Variants in ASB15 observed in about 807,000 individuals in gnomAD.
ASB15 encodes the protein ankyrin repeat and SOCS box containing 15, also known as ankyrin repeat and SOCS box protein 15.
In ASB15, 54 loss-of-function variants were observed where a neutral mutation model predicts 58.0. The observed-to-expected ratio is 0.93, with a 90% CI of 0.75 to 1.17. The LOEUF (loss-of-function observed/expected upper bound fraction) is 1.17, where lower values mean the gene tolerates loss of function less well. Among genes scored for constraint, ASB15 ranks in the 50% most tolerant of loss-of-function variants. The pLI is 0.00. For missense variants in ASB15, 680 were observed against 707.4 expected (o/e 0.96, Z 0.44); for synonymous variants, 249 against 262.4 (o/e 0.95, Z 0.50).
chr7:123,569,224 A>ATTTACG (rs1798838315), intron 1 of ASB15, among the ~76,000 whole-genome samples: 1 of 152,190 alleles, frequency 6.6e-6, no homozygotes, highest in South Asian at 2.1e-4. Context: ...GTAAATGGCA[A>ATTTACG]TCTTGGCAAC....
At chr7:123,634,562 T>A (rs758869670) in intron 11 of ASB15, among the ~76,000 whole-genome samples, 12 of 151,944 alleles carry the variant, frequency 7.9e-5, no homozygotes, top group East Asian at 1.9e-4. Context: ...ATACAATTTT[T>A]AAAAAAAACT....
chr7:123,575,363 T>A (rs1000529942), intron 1 of ASB15, among the ~76,000 whole-genome samples: 2 of 152,090 alleles, frequency 1.3e-5, no homozygotes, highest in African/African-American at 4.8e-5. Flanking sequence ...GTTAAATATG[T>A]TCATACCTCT....
intron 2 of ASB15, among the ~76,000 whole-genome samples, chr7:123,607,206 G>GA (rs919714521): frequency 1.3e-5 from 2 of 152,110 alleles, no homozygotes; most frequent in African/African-American, 2.4e-5. Context: ...AAAGTTGGGG[G>GA]AAAAATCCAT....
In ASB15 at chr7:123,623,906, G is replaced by A. The variant is rs1360973551; in HGVS notation, c.452-663G>A. ...AGAAAAGAAGAAAGAAAGAATGGAA[G>A]GAAGGAAGGAAGGAAGAAAGAAAGA... On this transcript the variant is annotated intron_variant, in intron 7 of 11. Coordinates refer to ENST00000451215, the MANE Select transcript of ASB15 (RefSeq NM_001290258.2). 7.1e-4 allele frequency among the ~76,000 whole-genome samples: 9 copies of A among 12,626 alleles called. 1 individual carries two copies. The highest frequency in any genetic ancestry group is 3.7e-3 in the African/African-American group (9 of 2,448). The allele number at this position is 12,626 out of a possible 152,430, so 8.3% of individuals were successfully genotyped here.
At chr7:123,582,579 T>TC (rs1357089266) in intron 1 of ASB15, among the ~76,000 whole-genome samples, 1 of 151,864 alleles carries the variant, frequency 6.6e-6, no homozygotes. Context: ...TGATCAGCAT[T>TC]CCCCCCAGAT....
chr7:123,614,057 G>T (rs1269159398), intron 3 of ASB15: 1 of 152,664 alleles, frequency 6.6e-6, no homozygotes, highest in Admixed American at 6.6e-5. Context: ...AAAAACAAAA[G>T]GAATGTAACA....
chr7:123,616,692 C>A (rs1346889786), intron 6 of ASB15, among the ~76,000 whole-genome samples, 197 bp downstream of exon 6: 1 of 151,998 alleles, frequency 6.6e-6, no homozygotes, highest in African/African-American at 2.4e-5. Context: ...GGGGGTTTAC[C>A]TTTTGCATCC....
intron 1 of ASB15, among the ~76,000 whole-genome samples, chr7:123,595,998 T>C (rs1436502599): frequency 1.3e-5 from 2 of 152,230 alleles, no homozygotes; most frequent in Non-Finnish European, 2.9e-5. Flanking sequence ...ACATTTTAAA[T>C]CTTGAAATCA....
intron 3 of ASB15, 38 bp from the exon 4 acceptor site, chr7:123,614,463 T>G: frequency 7.6e-7 from 1 of 1,314,146 alleles, no homozygotes; most frequent in South Asian, 1.2e-5. Context: ...GGCCATTTCT[T>G]GATAATAAGA....
At position 123,618,339 on chromosome 7, in the gene ASB15, C is replaced by T. The variant is rs140155571; in HGVS notation, c.451+602C>T. On this transcript the variant is annotated intron_variant, in intron 7 of 11. Coordinates refer to ENST00000451215, the MANE Select transcript of ASB15 (RefSeq NM_001290258.2). ...TGAAAGCAGAGAGTGATAAGATTAA[C>T]TCCAAATGACCCAGAGATAACATTT... is the stretch of plus-strand genomic sequence containing the variant. Among the ~76,000 whole-genome samples, 509 of 152,296 alleles carry T rather than the reference C, an allele frequency of 3.3e-3. 3 individuals carry two copies. Among genetic ancestry groups the T allele is most frequent in the African/African-American group, 0.012 (479 of 41,570 alleles).
chr7:123,627,586 T>G (rs537084303), intron 9 of ASB15, among the ~76,000 whole-genome samples: 2 of 152,316 alleles, frequency 1.3e-5, no homozygotes, highest in African/African-American at 4.8e-5. Flanking sequence ...TGTTTACAAA[T>G]GTATTTAACA....
chr7:123,594,289 C>G (rs1399284661), intron 1 of ASB15, among the ~76,000 whole-genome samples: 2 of 152,094 alleles, frequency 1.3e-5, no homozygotes, highest in Non-Finnish European at 2.9e-5. Context: ...GTCAACTCGT[C>G]AAACTCATTC....
intron 1 of ASB15, among the ~76,000 whole-genome samples, chr7:123,574,964 G>A (rs1356807120): frequency 6.6e-6 from 1 of 151,728 alleles, no homozygotes; most frequent in South Asian, 2.1e-4. Context: ...AAAATATGGA[G>A]ACAGATGTAA....
intron 1 of ASB15, among the ~76,000 whole-genome samples, chr7:123,591,671 C>T (rs1562914878): frequency 1.3e-5 from 2 of 152,074 alleles, no homozygotes; most frequent in African/African-American, 4.8e-5. Context: ...GGTGGATATG[C>T]TTTTTGACGT....
At chr7:123,603,778 A>C (rs1404107607) in intron 1 of ASB15, among the ~76,000 whole-genome samples, 1 of 152,222 alleles carries the variant, frequency 6.6e-6, no homozygotes, top group East Asian at 1.9e-4. Context: ...AGGGTCCTGC[A>C]TACAATTGCA....
Position 123,630,111 on chromosome 7 carries a change from AAAT to A in ASB15, c.1588_1590del (p.Ile530del), listed in dbSNP as rs1181390826. 1 of 1,585,910 alleles carries A rather than the reference AAAT, an allele frequency of 6.3e-7. No homozygotes were observed. Among genetic ancestry groups the A allele is most frequent in the Non-Finnish European group, 8.6e-7 (1 of 1,164,612 alleles). ...CAGAGAGAATGGCCAGAAATCCGCC[AAAT>A]ACTAGGTAAAAACCAAAAGTTTTGC... On this transcript the variant is annotated inframe_deletion, in exon 11 of 12. Transcript: ENST00000451215.
At chr7:123,568,338 C>T (rs1798814222) in intron 1 of ASB15, among the ~76,000 whole-genome samples, 1 of 151,646 alleles carries the variant, frequency 6.6e-6, no homozygotes. Flanking sequence ...CGTGGAGAAA[C>T]CCCATCTCTA....
At chr7:123,617,486 A>G in intron 6 of ASB15, 93 bp from the exon 7 acceptor site, 1 of 1,137,444 alleles carries the variant, frequency 8.8e-7, no homozygotes, top group Middle Eastern at 2.4e-4. Flanking sequence ...ACTTTGTTCA[A>G]TCCGATGTAT....
chr7:123,595,000 G>T (rs1459754776), intron 1 of ASB15, among the ~76,000 whole-genome samples: 1 of 152,148 alleles, frequency 6.6e-6, no homozygotes, highest in Non-Finnish European at 1.5e-5. Flanking sequence ...GCCTACTCAA[G>T]CCTCAGCAAT....
Sources: allele counts gnomAD v4.1 joint callset (sites outside exome capture counted in the v4.1 genomes callset), GRCh38; gene constraint gnomAD v4.1.1; transcripts MANE v1.5; gene names NCBI Gene and HGNC (gene_info 2026-07-23, HGNC 2026-07-21).